The following CENPE variants were observed in gnomAD, a reference collection of about 807,000 sequenced individuals.
The protein encoded by CENPE is centromere-associated protein E.
A neutral mutation model predicts 336.1 loss-of-function variants in CENPE; 145 were observed. That is an observed-to-expected ratio of 0.43 (90% confidence interval 0.38 to 0.50). The LOEUF is 0.50. Ranked by LOEUF, CENPE falls within the 20% of genes least tolerant of loss-of-function variation. The pLI is 0.00. For missense variants in CENPE, 2,719 were observed against 3,023.3 expected (o/e 0.90, Z 2.36); for synonymous variants, 1,013 against 984.8 (o/e 1.03, Z -0.54).
At chr4:103,198,201 C>T in intron 1 of CENPE, 63 bp downstream of exon 1, 1 of 1,485,444 alleles carries the variant, frequency 6.7e-7, no homozygotes, top group Non-Finnish European at 9.1e-7. Context: ...TAGGCCTCGC[C>T]CCTCCGGCTC....
Position 103,106,229 on chromosome 4 carries a change from G to C in CENPE, c.8099C>G (p.Thr2700Ser), listed in dbSNP as rs145876863. 1.3e-6 allele frequency: 2 copies of C among 1,580,174 alleles called. No homozygotes were observed. The highest frequency in any genetic ancestry group is 1.7e-6 in the Non-Finnish European group (2 of 1,160,588). The part of the protein sequence containing the change: ...SSGKDVPECK[T>S]Q ...GAAGTGACAAAGAGGAGTCTACTGA[G>C]TTTTGCACTCAGGCACATCCTTGCC... Residue 2700 changes from threonine to serine, a missense_variant, in exon 49 of 49, where the codon ACT (threonine) becomes AGT (serine). Thr to Ser is a moderately conservative substitution (Grantham distance 58). This residue lies in a region of CENPE where 2,437 missense variants were observed against 2,513.3 expected (regional missense o/e 0.97). Coordinates refer to ENST00000265148, the MANE Select transcript of CENPE (RefSeq NM_001813.3).
chr4:103,162,650 G>A (rs1237783277), intron 18 of CENPE, among the ~76,000 whole-genome samples: 1 of 151,354 alleles, frequency 6.6e-6, no homozygotes, highest in Non-Finnish European at 1.5e-5. Context: ...TCGGCTCATG[G>A]CAGCCTCAAC....
intron 34 of CENPE, among the ~76,000 whole-genome samples, chr4:103,142,518 A>G (rs1050128510): frequency 5.3e-5 from 8 of 152,170 alleles, no homozygotes; most frequent in African/African-American, 1.9e-4. Context: ...GTCTTGCTCC[A>G]TTTTAAAGAT....
intron 40 of CENPE, among the ~76,000 whole-genome samples, chr4:103,134,619 G>A: frequency 8.6e-6 from 1 of 115,682 alleles, no homozygotes; most frequent in African/African-American, 3.4e-5. Flanking sequence ...CTGGGCAACA[G>A]AGCAAGACTC....
At chr4:103,187,522 C>T (rs1756891521) in intron 8 of CENPE, among the ~76,000 whole-genome samples, 1 of 152,106 alleles carries the variant, frequency 6.6e-6, no homozygotes, top group South Asian at 2.1e-4. Context: ...GAATATTCAA[C>T]CCAGAATTTC....
chr4:103,131,087 A>G (rs775968792), intron 42 of CENPE, among the ~76,000 whole-genome samples: 11 of 152,196 alleles, frequency 7.2e-5, no homozygotes, highest in Non-Finnish European at 1.5e-4. Flanking sequence ...GAAATAATTG[A>G]TAAGCTAGAC....
At chr4:103,196,959 A>G in intron 1 of CENPE, 109 bp from the exon 2 acceptor site, 1 of 668,958 alleles carries the variant, frequency 1.5e-6, no homozygotes, top group South Asian at 1.7e-5. Context: ...ATAGTAACAT[A>G]AGAGAATGAC....
intron 45 of CENPE, 95 bp from the exon 46 acceptor site, chr4:103,114,647 CA>C (rs1449667904): frequency 5.4e-6 from 4 of 739,832 alleles, no homozygotes; most frequent in Non-Finnish European, 9.2e-6. Flanking sequence ...TAACACATCA[CA>C]TTGACATAAT....
chr4:103,145,075 T>G lies in CENPE; in HGVS notation c.4832A>C (p.Glu1611Ala). 4.6e-6 allele frequency: 7 copies of G among 1,527,402 alleles called. No homozygotes were observed. Among genetic ancestry groups the G allele is most frequent in the Non-Finnish European group, 5.3e-6 (6 of 1,141,944 alleles). The allele number at this position is 1,527,402 out of a possible 1,614,324, so 94.6% of individuals were successfully genotyped here. The change falls in exon 32 of 49, where the codon GAA (glutamate) becomes GCA (alanine). Residue 1611 changes from glutamate to alanine, a missense_variant. Glu to Ala is a moderately radical substitution (Grantham distance 107). Transcript: ENST00000265148. Reference protein sequence around the residue: ...ALQIERDQLKENTKEIVAKMK... With the variant: ...ALQIERDQLKANTKEIVAKMK... ...TTTAGCTACAATTTCTTTAGTGTTT[T>G]CTTTCAGTTGGTCTCTCTCTATCTG...
At chr4:103,117,081 T>C (rs1266980491) in intron 44 of CENPE, among the ~76,000 whole-genome samples, 1 of 152,168 alleles carries the variant, frequency 6.6e-6, no homozygotes, top group Non-Finnish European at 1.5e-5. Flanking sequence ...AACATCAAAC[T>C]AGAACTAAAT....
At chr4:103,120,048 T>C (rs1750473815) in intron 44 of CENPE, 100 bp downstream of exon 44, 1 of 800,566 alleles carries the variant, frequency 1.2e-6, no homozygotes, top group Non-Finnish European at 1.9e-6. Flanking sequence ...TAACAGTAAG[T>C]TGTTGTGAGA....
At chr4:103,163,592 A>T in intron 16 of CENPE, 39 bp from the exon 17 acceptor site, 3 of 753,432 alleles carry the variant, frequency 4.0e-6, no homozygotes, top group Non-Finnish European at 6.1e-6. Flanking sequence ...GCAAACCAAT[A>T]GTTAATAAAG....
At chr4:103,166,032 C>T (rs984544933) in intron 16 of CENPE, among the ~76,000 whole-genome samples, 2 of 151,880 alleles carry the variant, frequency 1.3e-5, no homozygotes, top group African/African-American at 4.8e-5. Context: ...TGTGTTGACT[C>T]AATTCAATAA....
At chr4:103,153,518 G>A (rs888693534) in intron 24 of CENPE, among the ~76,000 whole-genome samples, 2 of 152,148 alleles carry the variant, frequency 1.3e-5, no homozygotes, top group African/African-American at 4.8e-5. Flanking sequence ...TGGCTCCAAA[G>A]TTTGTGCTCT....
In CENPE at chr4:103,135,761, G is replaced by T. The variant is rs371036880; in HGVS notation, c.6522+380C>A. Among the ~76,000 whole-genome samples the T allele has an allele frequency of 7.2e-3, 1,092 of 151,886 alleles. 11 individuals are homozygous for T. Among genetic ancestry groups the T allele is most frequent in the African/African-American group, 0.025 (1,035 of 41,418 alleles). ...TCTAATGATTCCCCATCTACAAAAA[G>T]AACTCCAAGCTTTGTTATTGAGTCT... On this transcript the variant is annotated intron_variant, in intron 40 of 48. Transcript: ENST00000265148.
At chr4:103,188,579 G>C (rs1439860683) in intron 8 of CENPE, among the ~76,000 whole-genome samples, 2 of 152,104 alleles carry the variant, frequency 1.3e-5, no homozygotes, top group African/African-American at 4.8e-5. Context: ...AAATAAAGAT[G>C]TTCTTTGAAA....
chr4:103,141,948 T>G (rs750026934), intron 34 of CENPE, 40 bp from the exon 35 acceptor site: 1 of 1,218,944 alleles, frequency 8.2e-7, no homozygotes, highest in East Asian at 2.4e-5. Context: ...TGACATATCT[T>G]AATATTAGTT....
chr4:103,194,570 A>C, intron 6 of CENPE, 33 bp downstream of exon 6: 1 of 1,545,454 alleles, frequency 6.5e-7, no homozygotes, highest in Non-Finnish European at 8.8e-7. Context: ...AGTTTTTACA[A>C]GTGTTCTAAA....
At chr4:103,186,169 A>T (rs998365210) in intron 8 of CENPE, among the ~76,000 whole-genome samples, 4 of 152,140 alleles carry the variant, frequency 2.6e-5, no homozygotes, top group Admixed American at 2.0e-4. Flanking sequence ...GTATTTATCC[A>T]TCCCTTATTC....
Sources: allele counts gnomAD v4.1 joint callset (sites outside exome capture counted in the v4.1 genomes callset), GRCh38; gene constraint gnomAD v4.1.1; regional missense constraint gnomAD v4.1.1; transcripts MANE v1.5; gene names NCBI Gene and HGNC (gene_info 2026-07-23, HGNC 2026-07-21).